DNAH3: variants seen among roughly 807,000 people sequenced by gnomAD.
The protein encoded by DNAH3 is dynein axonemal heavy chain 3, also known as axonemal beta dynein heavy chain 3.
DNAH3 carries 332 observed loss-of-function variants against 432.5 expected under a neutral mutation model. That is an observed-to-expected ratio of 0.77 (90% confidence interval 0.70 to 0.84). DNAH3 has a LOEUF of 0.84. DNAH3 is among the 40% of genes least tolerant of loss of function. DNAH3 has a pLI of 0.00. For synonymous variants in DNAH3, 1,956 were observed against 1,900.2 expected (o/e 1.03, Z -0.76); for missense variants, 4,861 against 5,114.0 (o/e 0.95, Z 1.51).
At chr16:21,056,311 T>C (rs2090129888) in intron 27 of DNAH3, among the ~76,000 whole-genome samples, 1 of 152,160 alleles carries the variant, frequency 6.6e-6, no homozygotes, top group African/African-American at 2.4e-5. Context: ...ACCACTTTTC[T>C]GGGAAATCTT....
chr16:21,136,275 G>A, intron 6 of DNAH3, 49 bp downstream of exon 7: 1 of 1,520,214 alleles, frequency 6.6e-7, no homozygotes, highest in South Asian at 1.1e-5. Context: ...AAAAGAAGGT[G>A]CCCTCTACAT....
chr16:20,999,701 T>C (rs1380592313), intron 43 of DNAH3, among the ~76,000 whole-genome samples: 1 of 152,196 alleles, frequency 6.6e-6, no homozygotes, highest in Non-Finnish European at 1.5e-5. Context: ...GTTAATAAGC[T>C]CACAGGGTTG....
intron 20 of DNAH3, among the ~76,000 whole-genome samples, chr16:21,080,541 T>C (rs1387261526): frequency 6.6e-6 from 1 of 152,222 alleles, no homozygotes; most frequent in African/African-American, 2.4e-5. Flanking sequence ...AGCTGCACTG[T>C]AGGGGCTCAA....
intron 16 of DNAH3, among the ~76,000 whole-genome samples, chr16:21,099,291 T>TG (rs2091776407): frequency 1.3e-5 from 2 of 150,782 alleles, no homozygotes; most frequent in African/African-American, 4.9e-5. Context: ...GATGGATGGA[T>TG]GAATGGATGG....
intron 1 of DNAH3, among the ~76,000 whole-genome samples, chr16:21,149,613 T>G (rs1381828575): frequency 2.0e-5 from 3 of 152,154 alleles, no homozygotes; most frequent in Non-Finnish European, 2.9e-5. Flanking sequence ...CTCCAAATCT[T>G]CTGGATCGGA....
intron 26 of DNAH3, 33 bp from the exon 27 acceptor site, chr16:21,058,229 A>C: frequency 7.4e-7 from 1 of 1,344,422 alleles, no homozygotes; most frequent in Non-Finnish European, 1.1e-6. Flanking sequence ...TTATAGGATC[A>C]GTTCACGTGT....
chr16:21,150,194 C>A (rs964503553), intron 1 of DNAH3, 96 bp downstream of exon 2: 16 of 406,122 alleles, frequency 3.9e-5, no homozygotes, highest in Non-Finnish European at 6.5e-5. Context: ...CATTGCACTC[C>A]AGCCTGGGCA....
chr16:20,983,573 C>G (rs1339426829), intron 48 of DNAH3, among the ~76,000 whole-genome samples: 5 of 152,004 alleles, frequency 3.3e-5, no homozygotes, highest in African/African-American at 1.2e-4. Context: ...ATAGAAGTTG[C>G]TGTGAGGTCA....
intron 56 of DNAH3, among the ~76,000 whole-genome samples, chr16:20,950,321 T>C (rs897700541): frequency 1.3e-5 from 2 of 152,224 alleles, no homozygotes; most frequent in African/African-American, 4.8e-5. Flanking sequence ...CTTGGCACTC[T>C]TAACATGTTG....
At chr16:20,979,210 A>C (rs2085739332) in intron 50 of DNAH3, 120 bp downstream of exon 50, 2 of 838,978 alleles carry the variant, frequency 2.4e-6, no homozygotes, top group African/African-American at 1.7e-5. Flanking sequence ...AAGCTCTGCA[A>C]ATGCAGGGTC....
At chr16:21,080,995 G>A (rs1347084620) in intron 20 of DNAH3, among the ~76,000 whole-genome samples, 1 of 152,022 alleles carries the variant, frequency 6.6e-6, no homozygotes, top group Non-Finnish European at 1.5e-5. Context: ...TTGGCTCACT[G>A]CAACCTCCAC....
chr16:20,975,112 T>G, intron 51 of DNAH3, 121 bp downstream of exon 51: 1 of 1,202,986 alleles, frequency 8.3e-7, no homozygotes, highest in Non-Finnish European at 1.2e-6. Flanking sequence ...ATTACAGCTG[T>G]GAGCCACCAT....
chr16:21,089,245 A>AG (rs1340166098), intron 18 of DNAH3, among the ~76,000 whole-genome samples: 2 of 152,188 alleles, frequency 1.3e-5, no homozygotes, highest in African/African-American at 2.4e-5. Flanking sequence ...AAGCCACTGC[A>AG]GGGGAAAAGT....
chr16:20,959,610 A>AACACACACACACACAC (rs55757849), intron 53 of DNAH3, among the ~76,000 whole-genome samples: 15 of 137,640 alleles, frequency 1.1e-4, no homozygotes, highest in African/African-American at 2.7e-4. Context: ...TCTCTATTTA[A>AACACACACACACACAC]ACACACACAC....
At chr16:21,044,464 GCT>G in intron 31 of DNAH3, among the ~76,000 whole-genome samples, 1 of 96,186 alleles carries the variant, frequency 1.0e-5, no homozygotes, top group Non-Finnish European at 2.0e-5. Context: ...TCATGATTTG[GCT>G]CTCTGTTTGT....
At chr16:20,975,441 T>C (rs1284877063) in intron 50 of DNAH3, 26 bp from the exon 51 acceptor site, 1 of 1,606,506 alleles carries the variant, frequency 6.2e-7, no homozygotes, top group South Asian at 1.1e-5. Context: ...GTGGGAGAAA[T>C]CCAGGGTCAG....
chr16:21,129,586 A>AAC (rs2092514729), intron 7 of DNAH3, among the ~76,000 whole-genome samples: 1 of 151,440 alleles, frequency 6.6e-6, no homozygotes, highest in Admixed American at 6.6e-5. Flanking sequence ...AAAAAAAAAA[A>AAC]ATTAGCCGGG....
intron 51 of DNAH3, among the ~76,000 whole-genome samples, chr16:20,973,418 A>G (rs1037401681): frequency 6.6e-6 from 1 of 151,924 alleles, no homozygotes; most frequent in Admixed American, 6.6e-5. Flanking sequence ...ACACCCAGCT[A>G]ATTTTTGTAT....
intron 57 of DNAH3, among the ~76,000 whole-genome samples, chr16:20,946,469 G>C (rs1236791447): frequency 6.6e-6 from 1 of 152,140 alleles, no homozygotes; most frequent in Admixed American, 6.5e-5. Context: ...ATGCTCTCAG[G>C]ATCTCCTGAG....
Sources: gnomAD v4.1 joint callset for allele counts (sites outside exome capture counted in the v4.1 genomes callset) on GRCh38, gnomAD v4.1.1 for gene constraint, MANE v1.5 for transcripts, NCBI Gene and HGNC (gene_info 2026-07-23, HGNC 2026-07-21) for gene names.